CCSER2: variants seen among roughly 807,000 people sequenced by gnomAD.
CCSER2 encodes serine-rich coiled-coil domain-containing protein 2.
In CCSER2, 46 loss-of-function variants were observed where a neutral mutation model predicts 92.3. The observed-to-expected ratio is 0.50, with a 90% CI of 0.39 to 0.64. The LOEUF is 0.64. CCSER2 is among the 30% of genes least tolerant of loss of function. The pLI is 0.00. For missense variants in CCSER2, 1,244 were observed against 1,238.9 expected, an observed-to-expected ratio of 1.00 and a Z score of -0.06; for synonymous variants, 433 against 431.4, an observed-to-expected ratio of 1.00 and a Z score of -0.04.
chr10:84,440,154 A>T (rs1011356115), intron 6 of CCSER2, among the ~76,000 whole-genome samples: 1 of 152,200 alleles, frequency 6.6e-6, no homozygotes, highest in Admixed American at 6.5e-5. Flanking sequence ...TTGGTACCAT[A>T]AAAATAAAAA....
rs1160681619 is a variant in CCSER2 at position 84,436,325 on chromosome 10, C to CAAAAAAAAAA, written c.1869-2168_1869-2159dup. ...TGGGCGACAGAGCGAGACTCCGTCT[C>CAAAAAAAAAA]AAAAAAAAAAAAAAAAAAAAAAAAA... On this transcript the variant is annotated intron_variant, in intron 5 of 9. Transcript: ENST00000372088. Among the ~76,000 whole-genome samples the CAAAAAAAAAA allele has an allele frequency of 6.2e-3, 89 of 14,340 alleles. 13 individuals are homozygous for CAAAAAAAAAA. Among genetic ancestry groups the CAAAAAAAAAA allele is most frequent in the African/African-American group, 0.022 (51 of 2,340 alleles). The allele number at this position is 14,340 out of a possible 152,430, so 9.4% of individuals were successfully genotyped here.
At chr10:84,466,957 C>A (rs1282023008) in intron 7 of CCSER2, among the ~76,000 whole-genome samples, 2 of 152,186 alleles carry the variant, frequency 1.3e-5, no homozygotes, top group East Asian at 3.9e-4. Context: ...AAGGACCTAA[C>A]TGCATCTCTT....
intron 3 of CCSER2, chr10:84,392,189 T>A: frequency 1.9e-6 from 1 of 531,928 alleles, no homozygotes; most frequent in East Asian, 3.5e-5. Context: ...TCAACCCTAC[T>A]GGAAGGGGCA....
intron 1 of CCSER2, among the ~76,000 whole-genome samples, chr10:84,364,899 G>T (rs1209614356): frequency 6.6e-6 from 1 of 151,812 alleles, no homozygotes; most frequent in Non-Finnish European, 1.5e-5. Flanking sequence ...GTGCCACCAT[G>T]CCTGGCTAAT....
At chr10:84,337,301 C>G (rs574662742) in intron 1 of CCSER2, among the ~76,000 whole-genome samples, 2 of 152,050 alleles carry the variant, frequency 1.3e-5, no homozygotes, top group African/African-American at 4.8e-5. Flanking sequence ...ACCAAGAAGC[C>G]GCACGCCTAT....
At chr10:84,460,931 ATTTG>A (rs895495943) in intron 6 of CCSER2, among the ~76,000 whole-genome samples, 19 of 151,842 alleles carry the variant, frequency 1.3e-4, no homozygotes, top group African/African-American at 4.1e-4. Context: ...AGTTTCATTG[ATTTG>A]TTTGTGTTTT....
At chr10:84,364,513 C>T (rs967924175) in intron 1 of CCSER2, among the ~76,000 whole-genome samples, 1 of 152,104 alleles carries the variant, frequency 6.6e-6, no homozygotes, top group Admixed American at 6.6e-5. Context: ...AGTATATTAG[C>T]CTCTCTGAAT....
chr10:84,461,717 T>C (rs2133658836), intron 6 of CCSER2, among the ~76,000 whole-genome samples: 1 of 152,164 alleles, frequency 6.6e-6, no homozygotes, highest in East Asian at 1.9e-4. Context: ...GAGTTTATTC[T>C]TTTGGAGAAT....
intron 7 of CCSER2, among the ~76,000 whole-genome samples, chr10:84,466,897 T>C (rs1292864381): frequency 6.6e-6 from 1 of 152,188 alleles, no homozygotes; most frequent in Non-Finnish European, 1.5e-5. Context: ...CACTGTGCTA[T>C]GGAAGATCAG....
intron 4 of CCSER2, among the ~76,000 whole-genome samples, chr10:84,421,190 G>A (rs76755520): frequency 0.017 from 2,537 of 152,308 alleles, 74 homozygotes; most frequent in African/African-American, 0.058. Flanking sequence ...TGTGGCATAT[G>A]TAGTAGCAAA....
chr10:84,414,476 C>G (rs1842798526), intron 3 of CCSER2, among the ~76,000 whole-genome samples: 1 of 152,024 alleles, frequency 6.6e-6, no homozygotes, highest in South Asian at 2.1e-4. Context: ...AATATTGGCC[C>G]CCAACTTCTT....
chr10:84,379,721 G>A (rs1372077374), intron 3 of CCSER2, among the ~76,000 whole-genome samples: 5 of 152,012 alleles, frequency 3.3e-5, no homozygotes, highest in Admixed American at 6.6e-5. Flanking sequence ...GATTTTGTAC[G>A]TATTTTACAA....
chr10:84,393,454 G>A (rs1272995823), intron 3 of CCSER2, among the ~76,000 whole-genome samples: 1 of 152,162 alleles, frequency 6.6e-6, no homozygotes, highest in Non-Finnish European at 1.5e-5. Flanking sequence ...TCAACATACT[G>A]CCTTCTAAGC....
intron 9 of CCSER2, among the ~76,000 whole-genome samples, chr10:84,493,638 T>C (rs1044950123): frequency 1.3e-5 from 2 of 152,198 alleles, no homozygotes; most frequent in African/African-American, 4.8e-5. Context: ...CCCAAAACTT[T>C]AGGTTTCTCT....
intron 3 of CCSER2, among the ~76,000 whole-genome samples, chr10:84,382,704 G>A (rs1400757384): frequency 6.6e-6 from 1 of 152,158 alleles, no homozygotes; most frequent in East Asian, 1.9e-4. Flanking sequence ...TTTTTGGAAT[G>A]ATTTTTATAG....
At chr10:84,456,702 A>T (rs1376366187) in intron 6 of CCSER2, among the ~76,000 whole-genome samples, 1 of 152,184 alleles carries the variant, frequency 6.6e-6, no homozygotes, top group Middle Eastern at 3.2e-3. Flanking sequence ...TATTGCCACT[A>T]GCAATGTAAG....
In CCSER2 at chr10:84,371,117, C is replaced by T. The variant is rs772333587; in HGVS notation, c.65C>T (p.Ser22Phe). ...AAGTTGCCAAAGTATGGAACAAAAT[C>T]TGTAAGAAGTACATTGCAGCCAATG... ...GSKLPKYGTKSVRSTLQPMPN... is the reference protein window; with the variant it reads ...GSKLPKYGTKFVRSTLQPMPN... Residue 22 changes from serine to phenylalanine, a missense_variant, in exon 2 of 10, where the codon TCT (serine) becomes TTT (phenylalanine). Coordinates refer to ENST00000372088, the MANE Select transcript of CCSER2 (RefSeq NM_001284240.2). 1.2e-5 allele frequency: 20 copies of T among 1,610,214 alleles called. No homozygotes were observed. Among genetic ancestry groups the T allele is most frequent in the Non-Finnish European group, 1.7e-5 (20 of 1,178,874 alleles).
chr10:84,394,563 T>C (rs1026626303), intron 3 of CCSER2, among the ~76,000 whole-genome samples: 1 of 152,030 alleles, frequency 6.6e-6, no homozygotes, highest in African/African-American at 2.4e-5. Context: ...AGCATGAGTA[T>C]ATCACAAAAT....
chr10:84,381,935 A>G (rs1840933348), intron 3 of CCSER2, among the ~76,000 whole-genome samples: 2 of 144,532 alleles, frequency 1.4e-5, no homozygotes, highest in Admixed American at 1.3e-4. Context: ...AAAAAAAAAA[A>G]AAGAACATCC....
Sources: allele counts gnomAD v4.1 joint callset (sites outside exome capture counted in the v4.1 genomes callset), GRCh38; gene constraint gnomAD v4.1.1; transcripts MANE v1.5; gene names NCBI Gene and HGNC (gene_info 2026-07-23, HGNC 2026-07-21).